Variants in PPFIA2 observed in about 807,000 individuals in gnomAD.
PPFIA2 encodes liprin-alpha-2.
A neutral mutation model predicts 175.5 loss-of-function variants in PPFIA2; 46 were observed. The observed-to-expected ratio is 0.26, with a 90% CI of 0.21 to 0.34. The LOEUF (loss-of-function observed/expected upper bound fraction) is 0.34. Ranked by LOEUF, PPFIA2 falls within the 10% of genes least tolerant of loss-of-function variation. PPFIA2 has a pLI of 1.00. For synonymous variants in PPFIA2, 568 were observed against 511.4 expected (o/e 1.11, Z -1.49); for missense variants, 1,179 against 1,506.1 (o/e 0.78, Z 3.60).
chr12:81,704,436 CA>C (rs2076861591), intron 3 of PPFIA2, among the ~76,000 whole-genome samples: 3 of 151,936 alleles, frequency 2.0e-5, no homozygotes, highest in African/African-American at 7.3e-5. Context: ...TATAAACACA[CA>C]AAACAACTTG....
chr12:81,293,890 T>A (rs2045710111), intron 24 of PPFIA2, among the ~76,000 whole-genome samples: 1 of 152,186 alleles, frequency 6.6e-6, no homozygotes, highest in African/African-American at 2.4e-5. Flanking sequence ...GGAATGAATC[T>A]AAGTGTCCAT....
intron 25 of PPFIA2, 133 bp downstream of exon 25, chr12:81,284,108 A>G: frequency 1.5e-6 from 1 of 686,630 alleles, no homozygotes; most frequent in East Asian, 2.7e-5. Flanking sequence ...ACTGTAAAAA[A>G]TGTTAGTTAT....
intron 8 of PPFIA2, among the ~76,000 whole-genome samples, chr12:81,388,618 T>C (rs1020594519): frequency 2.2e-4 from 33 of 152,174 alleles, no homozygotes; most frequent in African/African-American, 7.9e-4. Context: ...ATTGACAGAA[T>C]TGTGCACTTA....
At position 81,654,278 on chromosome 12, in the gene PPFIA2, T is replaced by A. The variant is rs73364561; in HGVS notation, c.303+22513A>T. 8.0e-3 allele frequency among the ~76,000 whole-genome samples: 1,224 copies of A among 152,162 alleles called. 20 individuals carry two copies. The highest frequency in any genetic ancestry group is 0.028 in the African/African-American group (1,162 of 41,562). On this transcript the variant is annotated intron_variant, in intron 4 of 32. Transcript: ENST00000549396. Reference sequence around the variant, plus strand: ...AAAAAACATCTATTTTATACTGATTTTTTTTCTTAGGCTGAGAGATAGTAA... The same window carrying A: ...AAAAAACATCTATTTTATACTGATTATTTTTCTTAGGCTGAGAGATAGTAA...
At chr12:81,751,864 G>T (rs991218651) in intron 3 of PPFIA2, among the ~76,000 whole-genome samples, 1 of 151,966 alleles carries the variant, frequency 6.6e-6, no homozygotes. Context: ...TTTTCCTGAA[G>T]TATCTTGTTC....
At chr12:81,637,351 G>A (rs1034686976) in intron 4 of PPFIA2, among the ~76,000 whole-genome samples, 8 of 136,824 alleles carry the variant, frequency 5.8e-5, no homozygotes, top group South Asian at 4.8e-4. Context: ...TGTTCCGCCC[G>A]CCTCGGCCTC....
chr12:81,634,055 A>AT (rs2063710051), intron 4 of PPFIA2, among the ~76,000 whole-genome samples: 1 of 152,042 alleles, frequency 6.6e-6, no homozygotes, highest in Non-Finnish European at 1.5e-5. Flanking sequence ...TGTTACATTA[A>AT]TTTTTTCCAG....
intron 3 of PPFIA2, among the ~76,000 whole-genome samples, chr12:81,732,643 G>A (rs960698906): frequency 2.7e-5 from 4 of 150,638 alleles, no homozygotes; most frequent in African/African-American, 9.7e-5. Flanking sequence ...AAGCAAAAAA[G>A]CAAAATAATA....
chr12:81,381,731 A>C lies in PPFIA2; in HGVS notation c.984+2292T>G, dbSNP rs77739284. On this transcript the variant is annotated intron_variant, in intron 9 of 32. Transcript: ENST00000549396. ...CATGAACTATTATATTAATTCATAAAAAGTTGTATCATTATCTGTGCTGCA... is the reference window on the plus strand; with the variant it reads ...CATGAACTATTATATTAATTCATAACAAGTTGTATCATTATCTGTGCTGCA... Among the ~76,000 whole-genome samples, 14 of 152,282 alleles carry C rather than the reference A, an allele frequency of 9.2e-5. 1 individual carries two copies. The East Asian group carries it at 2.7e-3, about 29-fold the overall frequency.
At chr12:81,385,864 AAAATGAT>A (rs1302491203) in intron 8 of PPFIA2, among the ~76,000 whole-genome samples, 2 of 152,196 alleles carry the variant, frequency 1.3e-5, no homozygotes, top group Non-Finnish European at 2.9e-5. Flanking sequence ...TCTCACCACA[AAAATGAT>A]AAGTGAGTGA....
chr12:81,665,015 C>T lies in PPFIA2; in HGVS notation c.303+11776G>A, dbSNP rs185021319. ...GAACACATGGACACAGGAAGGGGAA[C>T]ATCACACACCGGGGCCTGTTGTCGG... On this transcript the variant is annotated intron_variant, in intron 4 of 32. Coordinates refer to ENST00000549396, the MANE Select transcript of PPFIA2 (RefSeq NM_003625.5). Among the ~76,000 whole-genome samples, 73 of 147,890 alleles carry T rather than the reference C, an allele frequency of 4.9e-4. 1 individual carries two copies. In the East Asian group the frequency reaches 0.015, roughly 30 times the overall value.
chr12:81,672,910 C>T (rs532791737), intron 4 of PPFIA2, among the ~76,000 whole-genome samples: 1 of 152,016 alleles, frequency 6.6e-6, no homozygotes, highest in South Asian at 2.1e-4. Context: ...TCAATATCAG[C>T]CCTTAAAAAA....
At chr12:81,431,057 G>C (rs1486176590) in intron 7 of PPFIA2, 2 of 152,130 alleles carry the variant, frequency 1.3e-5, no homozygotes, top group Non-Finnish European at 2.9e-5. Context: ...TATGCACAGA[G>C]TAAAGGCAAT....
intron 8 of PPFIA2, among the ~76,000 whole-genome samples, chr12:81,392,338 C>A (rs2040285964): frequency 6.6e-6 from 1 of 151,730 alleles, no homozygotes; most frequent in African/African-American, 2.4e-5. Context: ...AAATCCTGGA[C>A]TGGGTTTTGA....
chr12:81,502,897 A>G (rs2060739174), intron 4 of PPFIA2, among the ~76,000 whole-genome samples: 1 of 152,124 alleles, frequency 6.6e-6, no homozygotes. Flanking sequence ...TGCAACTTGT[A>G]CCACTCCACT....
chr12:81,729,791 T>C (rs1465601809), intron 3 of PPFIA2, among the ~76,000 whole-genome samples: 1 of 151,394 alleles, frequency 6.6e-6, no homozygotes. Context: ...GATCAGACCA[T>C]TGTTGGTTTG....
chr12:81,374,579 T>A (rs1281486668), intron 11 of PPFIA2, 55 bp downstream of exon 11: 2 of 1,514,372 alleles, frequency 1.3e-6, no homozygotes, highest in Admixed American at 4.5e-5. Context: ...TCCATTTTGA[T>A]TACAAGTCCT....
intron 28 of PPFIA2, among the ~76,000 whole-genome samples, chr12:81,273,025 G>T (rs759446494): frequency 6.6e-6 from 1 of 151,932 alleles, no homozygotes; most frequent in Non-Finnish European, 1.5e-5. Flanking sequence ...CTAGTCCTAC[G>T]GTGTGTTTTA....
intron 4 of PPFIA2, among the ~76,000 whole-genome samples, chr12:81,587,079 A>C (rs2075397181): frequency 6.6e-6 from 1 of 151,968 alleles, no homozygotes; most frequent in Non-Finnish European, 1.5e-5. Context: ...GCTTATAGTC[A>C]CACTCTAGCA....
Sources: allele counts gnomAD v4.1 joint callset (sites outside exome capture counted in the v4.1 genomes callset), GRCh38; gene constraint gnomAD v4.1.1; transcripts MANE v1.5; gene names NCBI Gene and HGNC (gene_info 2026-07-23, HGNC 2026-07-21).